The following DOCK2 variants were observed in gnomAD, a reference collection of about 807,000 sequenced individuals.
DOCK2 encodes dedicator of cytokinesis 2.
DOCK2 carries 87 observed loss-of-function variants against 248.9 expected under a neutral mutation model. The ratio of observed to expected loss-of-function variants is 0.35; its 90% CI spans 0.29 to 0.42. The LOEUF (loss-of-function observed/expected upper bound fraction) is 0.42. Ranked by LOEUF, DOCK2 falls within the 10% of genes least tolerant of loss-of-function variation. The pLI is 1.00. For missense variants in DOCK2, 1,747 were observed against 2,300.2 expected, an observed-to-expected ratio of 0.76 and a Z score of 4.92; for synonymous variants, 805 against 821.6, an observed-to-expected ratio of 0.98 and a Z score of 0.35.
At chr5:169,711,805 T>C in intron 15 of DOCK2, 130 bp from the exon 16 acceptor site, 1 of 863,002 alleles carries the variant, frequency 1.2e-6, no homozygotes, top group African/African-American at 1.7e-5. Flanking sequence ...TCAGCCTCAA[T>C]GGATGGGTTG....
At chr5:169,771,478 T>A (rs1462446855) in intron 25 of DOCK2, among the ~76,000 whole-genome samples, 1 of 152,160 alleles carries the variant, frequency 6.6e-6, no homozygotes, top group Non-Finnish European at 1.5e-5. Flanking sequence ...GAGACAGGTT[T>A]CACCGTGTTG....
chr5:169,864,479 A>G, intron 27 of DOCK2: 3 of 1,500,690 alleles, frequency 2.0e-6, no homozygotes, highest in African/African-American at 2.8e-5. Context: ...ACAGAGAGGA[A>G]GGAAGGAAAG....
intron 27 of DOCK2, among the ~76,000 whole-genome samples, chr5:169,902,808 A>G (rs948040582): frequency 2.0e-5 from 3 of 152,288 alleles, no homozygotes; most frequent in South Asian, 2.1e-4. Flanking sequence ...GACATAAAAG[A>G]AAGGGGTGAG....
rs1402589206 is a variant in DOCK2, at chr5:170,082,982, G to A, written c.*124G>A. On this transcript the variant is annotated 3_prime_UTR_variant, in exon 52 of 52. Coordinates refer to ENST00000520908, the MANE Select transcript of DOCK2 (RefSeq NM_004946.3). ...TGTCCCCATCAGTTGTCCTTACTTA[G>A]AGGAGACAGAGAGGCCAATCAGGTC... 1 of 1,278,300 alleles carries A rather than the reference G, an allele frequency of 7.8e-7. No homozygotes were observed. Among genetic ancestry groups the A allele is most frequent in the South Asian group, 1.3e-5 (1 of 77,256 alleles). The allele number at this position is 1,278,300 out of a possible 1,614,324, so 79.2% of individuals were successfully genotyped here.
At chr5:169,933,887 C>T (rs899924698) in intron 27 of DOCK2, among the ~76,000 whole-genome samples, 1 of 152,226 alleles carries the variant, frequency 6.6e-6, no homozygotes, top group Non-Finnish European at 1.5e-5. Flanking sequence ...CTCCAGGGGA[C>T]ATGCAGCACT....
chr5:169,973,140 G>A (rs1581491046), intron 27 of DOCK2, among the ~76,000 whole-genome samples: 1 of 152,248 alleles, frequency 6.6e-6, no homozygotes, highest in East Asian at 1.9e-4. Flanking sequence ...CTTCCCTCCT[G>A]GAAGCTCTCT....
intron 36 of DOCK2, among the ~76,000 whole-genome samples, chr5:170,038,382 A>T (rs905206407): frequency 1.3e-5 from 2 of 152,210 alleles, no homozygotes; most frequent in African/African-American, 4.8e-5. Flanking sequence ...TCTAAACCAG[A>T]CTGCAAACAG....
At chr5:169,870,434 G>A (rs1235624212) in intron 27 of DOCK2, among the ~76,000 whole-genome samples, 1 of 152,128 alleles carries the variant, frequency 6.6e-6, no homozygotes, top group African/African-American at 2.4e-5. Flanking sequence ...GCGAGGTTCT[G>A]GATGCAGGAT....
chr5:169,806,706 T>C (rs769997912), intron 26 of DOCK2, among the ~76,000 whole-genome samples: 26 of 152,140 alleles, frequency 1.7e-4, no homozygotes, highest in Non-Finnish European at 3.4e-4. Context: ...TGTCTTCCCT[T>C]TAACCTTTTT....
intron 27 of DOCK2, among the ~76,000 whole-genome samples, chr5:169,914,093 T>C (rs1196683826): frequency 6.6e-6 from 1 of 152,160 alleles, no homozygotes; most frequent in Non-Finnish European, 1.5e-5. Flanking sequence ...ATATGCATGC[T>C]CTGGTCCCTC....
chr5:169,738,274 G>A (rs1763143772), intron 22 of DOCK2, among the ~76,000 whole-genome samples: 1 of 152,166 alleles, frequency 6.6e-6, no homozygotes, highest in Non-Finnish European at 1.5e-5. Context: ...TTTTTAGAAA[G>A]GTCCCTCTGA....
chr5:169,883,734 G>A (rs748170159), intron 27 of DOCK2: 40 of 1,551,478 alleles, frequency 2.6e-5, no homozygotes, highest in East Asian at 7.3e-5. Context: ...GAGTTTGGAC[G>A]TCAACCTCAG....
At chr5:169,907,211 C>A (rs1023270677) in intron 27 of DOCK2, among the ~76,000 whole-genome samples, 5 of 152,168 alleles carry the variant, frequency 3.3e-5, no homozygotes, top group African/African-American at 1.2e-4. Flanking sequence ...TATTGGCAGG[C>A]AACTTGATTT....
At chr5:169,906,811 A>G (rs1774306298) in intron 27 of DOCK2, among the ~76,000 whole-genome samples, 1 of 152,200 alleles carries the variant, frequency 6.6e-6, no homozygotes, top group African/African-American at 2.4e-5. Context: ...TAAGCTCTGG[A>G]AAGTCTATAG....
chr5:169,695,377 A>AT (rs1233061275), intron 9 of DOCK2: 9 of 174,568 alleles, frequency 5.2e-5, no homozygotes, highest in Admixed American at 1.3e-4. Context: ...AGCTGTTATG[A>AT]TTTTTTTCTC....
intron 27 of DOCK2, among the ~76,000 whole-genome samples, chr5:169,905,596 G>A (rs944252817): frequency 9.9e-5 from 15 of 152,154 alleles, no homozygotes; most frequent in Admixed American, 5.2e-4. Flanking sequence ...TCCTGTATAC[G>A]GGCTTGAATG....
intron 47 of DOCK2, among the ~76,000 whole-genome samples, chr5:170,076,850 A>G (rs758750613): frequency 4.6e-5 from 7 of 152,114 alleles, no homozygotes; most frequent in Non-Finnish European, 8.8e-5. Context: ...AAGTCCCTGT[A>G]ATGCAATTCT....
chr5:169,653,917 C>T (rs1393069255), intron 1 of DOCK2, among the ~76,000 whole-genome samples: 1 of 152,210 alleles, frequency 6.6e-6, no homozygotes, highest in Admixed American at 6.5e-5. Context: ...TGAGCTGGGA[C>T]TCAACCCCAG....
At chr5:169,671,380 A>G (rs1759045147) in intron 5 of DOCK2, among the ~76,000 whole-genome samples, 1 of 152,234 alleles carries the variant, frequency 6.6e-6, no homozygotes, top group Admixed American at 6.5e-5. Context: ...AGCCATAATC[A>G]ATGGAGTCTA....
Sources: allele counts gnomAD v4.1 joint callset (sites outside exome capture counted in the v4.1 genomes callset), GRCh38; gene constraint gnomAD v4.1.1; transcripts MANE v1.5; gene names NCBI Gene and HGNC (gene_info 2026-07-23, HGNC 2026-07-21).